Variants in GRM1 observed in about 807,000 individuals in gnomAD.
The protein encoded by GRM1 is glutamate metabotropic receptor 1, also known as metabotropic glutamate receptor 1.
In GRM1, 33 loss-of-function variants were observed where a neutral mutation model predicts 90.9. The ratio of observed to expected loss-of-function variants is 0.36; its 90% CI spans 0.28 to 0.49. The LOEUF (loss-of-function observed/expected upper bound fraction) is 0.49, where lower values mean the gene tolerates loss of function less well. Among genes scored for constraint, GRM1 ranks in the 20% least tolerant of loss-of-function variants. The probability of loss-of-function intolerance (pLI) is 0.99; values close to 1 mark genes in which losing one functional copy is unlikely to be tolerated. For synonymous variants in GRM1, 700 were observed against 613.2 expected (o/e 1.14, Z -2.09); for missense variants, 1,190 against 1,534.3 (o/e 0.78, Z 3.75).
intron 1 of GRM1, among the ~76,000 whole-genome samples, chr6:146,034,313 T>C (rs1361868937): frequency 6.6e-6 from 1 of 152,052 alleles, no homozygotes; most frequent in Non-Finnish European, 1.5e-5. Context: ...GAATAATCTC[T>C]CTTTTGTAGT....
At position 146,389,813 on chromosome 6, in the gene GRM1, T is replaced by G. The variant is rs362919; in HGVS notation, c.1729+2797T>G. Among the ~76,000 whole-genome samples, 944 of 152,192 alleles carry G rather than the reference T, an allele frequency of 6.2e-3. 7 individuals carry two copies. Among genetic ancestry groups the G allele is most frequent in the Non-Finnish European group, 0.011 (724 of 67,978 alleles). ...GTCTTTCACAATATAGATTCCTCAT[T>G]CTAATTTATACTAATGTCTTAATGA... On this transcript the variant is annotated intron_variant, in intron 6 of 7. Coordinates refer to ENST00000282753, the MANE Select transcript of GRM1 (RefSeq NM_001278064.2).
At chr6:146,397,535 A>G (rs1327039601) in intron 6 of GRM1, among the ~76,000 whole-genome samples, 1 of 150,902 alleles carries the variant, frequency 6.6e-6, no homozygotes, top group African/African-American at 2.4e-5. Context: ...TGCTTACTAT[A>G]GTAAGGGATA....
rs1790630053 is a variant in GRM1 at position 146,029,449 on chromosome 6, C to T, written c.-69C>T. The T allele has an allele frequency of 7.9e-7, 1 of 1,271,050 alleles. No individual in the cohort carries two copies. The highest frequency in any genetic ancestry group is 1.2e-5 in the South Asian group (1 of 83,984). The allele number at this position is 1,271,050 out of a possible 1,614,324, so 78.7% of individuals were successfully genotyped here. Reference sequence around the variant, plus strand: ...CGGCGCTGGGCGTCTTGGGGGTGCGCGCCGGGAGCCTGCAGCGGGACCAGC... The same window carrying T: ...CGGCGCTGGGCGTCTTGGGGGTGCGTGCCGGGAGCCTGCAGCGGGACCAGC... On this transcript the variant is annotated 5_prime_UTR_variant, in exon 1 of 8. Coordinates refer to ENST00000282753, the MANE Select transcript of GRM1 (RefSeq NM_001278064.2).
intron 1 of GRM1, among the ~76,000 whole-genome samples, chr6:146,082,171 T>G (rs35537540): frequency 0.012 from 1,761 of 152,254 alleles, 14 homozygotes; most frequent in South Asian, 0.031. Flanking sequence ...GGTTTCTTTT[T>G]TTGAGACAGA....
intron 1 of GRM1, among the ~76,000 whole-genome samples, chr6:146,150,922 A>G (rs1777300395): frequency 9.5e-6 from 1 of 105,756 alleles, no homozygotes; most frequent in Admixed American, 1.1e-4. Context: ...GTATAAACAC[A>G]CACACGCGTG....
intron 2 of GRM1, among the ~76,000 whole-genome samples, chr6:146,242,976 C>G (rs958376481): frequency 1.3e-5 from 2 of 152,050 alleles, no homozygotes; most frequent in Non-Finnish European, 2.9e-5. Context: ...TAAGCTATAA[C>G]CCATGTACTT....
intron 2 of GRM1, among the ~76,000 whole-genome samples, chr6:146,288,859 A>G (rs1782869671): frequency 6.6e-6 from 1 of 152,138 alleles, no homozygotes; most frequent in Non-Finnish European, 1.5e-5. Context: ...CTGTAAGATT[A>G]TAATAGAGGT....
intron 1 of GRM1, among the ~76,000 whole-genome samples, chr6:146,098,509 C>T (rs1776943987): frequency 6.6e-6 from 1 of 151,780 alleles, no homozygotes. Context: ...TTATAATTGT[C>T]ACGCCTGTTG....
intron 2 of GRM1, among the ~76,000 whole-genome samples, chr6:146,193,191 TAGAC>T (rs1213125458): frequency 6.6e-6 from 1 of 152,198 alleles, no homozygotes; most frequent in African/African-American, 2.4e-5. Flanking sequence ...AGATGTTAAA[TAGAC>T]AGTTAGATAT....
At chr6:146,208,928 T>TA (rs972114725) in intron 2 of GRM1, among the ~76,000 whole-genome samples, 1 of 152,104 alleles carries the variant, frequency 6.6e-6, no homozygotes, top group Non-Finnish European at 1.5e-5. Flanking sequence ...TGAAAATCTG[T>TA]AAAAATGATA....
intron 5 of GRM1, among the ~76,000 whole-genome samples, chr6:146,362,140 C>T (rs1261831214): frequency 6.6e-6 from 1 of 152,098 alleles, no homozygotes; most frequent in East Asian, 1.9e-4. Flanking sequence ...TTCTCCAAGA[C>T]GTTGGTTTTG....
At chr6:146,240,772 G>A (rs370936854) in intron 2 of GRM1, among the ~76,000 whole-genome samples, 1 of 152,040 alleles carries the variant, frequency 6.6e-6, no homozygotes, top group Non-Finnish European at 1.5e-5. Context: ...TTTACAACAC[G>A]TTTTCCTTTG....
chr6:146,421,104 T>C (rs762462075), intron 7 of GRM1, among the ~76,000 whole-genome samples: 4 of 152,096 alleles, frequency 2.6e-5, no homozygotes, highest in African/African-American at 4.8e-5. Context: ...TGCAAGAACT[T>C]TGCAAAGCAA....
At chr6:146,353,172 G>A (rs1354072705) in intron 4 of GRM1, among the ~76,000 whole-genome samples, 1 of 152,170 alleles carries the variant, frequency 6.6e-6, no homozygotes, top group Non-Finnish European at 1.5e-5. Flanking sequence ...CTACCAGTTA[G>A]CTCAAGCATA....
At chr6:146,159,012 C>T (rs1221966899) in intron 1 of GRM1, among the ~76,000 whole-genome samples, 3 of 152,202 alleles carry the variant, frequency 2.0e-5, no homozygotes, top group African/African-American at 7.2e-5. Flanking sequence ...CCTCCCTAGT[C>T]CAATGCACTG....
intron 2 of GRM1, among the ~76,000 whole-genome samples, chr6:146,243,838 C>A (rs1780952449): frequency 6.6e-6 from 1 of 152,138 alleles, no homozygotes; most frequent in Admixed American, 6.6e-5. Flanking sequence ...GGGCTTATTT[C>A]ATCCCTTATC....
chr6:146,278,410 A>G (rs1015501530), intron 2 of GRM1, among the ~76,000 whole-genome samples: 2 of 152,172 alleles, frequency 1.3e-5, no homozygotes, highest in African/African-American at 2.4e-5. Context: ...GTTACTCCAT[A>G]TATTCACCCT....
At chr6:146,256,538 A>G (rs1562561270) in intron 2 of GRM1, among the ~76,000 whole-genome samples, 1 of 152,050 alleles carries the variant, frequency 6.6e-6, no homozygotes, top group South Asian at 2.1e-4. Flanking sequence ...ACTGTGTATG[A>G]TAAGTTTATC....
rs187857826 is a variant in GRM1, at chr6:146,349,376, C to T, written c.1187-2874C>T. 9.9e-4 allele frequency among the ~76,000 whole-genome samples: 150 copies of T among 152,042 alleles called. 1 individual carries two copies. The highest frequency in any genetic ancestry group is 9.4e-3 in the Admixed American group (143 of 15,260). On this transcript the variant is annotated intron_variant, in intron 3 of 7. Coordinates refer to ENST00000282753, the MANE Select transcript of GRM1 (RefSeq NM_001278064.2). Reference sequence around the variant, plus strand: ...GATTACAGGCGTGAGCCACCACGCCCGGCCGTATTAGTATTATTGTAGATA... The same window carrying T: ...GATTACAGGCGTGAGCCACCACGCCTGGCCGTATTAGTATTATTGTAGATA...
Sources: allele counts gnomAD v4.1 joint callset (sites outside exome capture counted in the v4.1 genomes callset), GRCh38; gene constraint gnomAD v4.1.1; transcripts MANE v1.5; gene names NCBI Gene and HGNC (gene_info 2026-07-23, HGNC 2026-07-21).